VWF: variants seen among roughly 807,000 people sequenced by gnomAD.
VWF encodes the protein von Willebrand factor, also known as Factor VIII related antigen.
Under a neutral mutation model 308.6 loss-of-function variants are expected in VWF, and 176 were observed. The observed-to-expected ratio is 0.57, with a 90% confidence interval of 0.50 to 0.65. VWF has a LOEUF of 0.65. Among genes scored for constraint, VWF ranks in the 30% least tolerant of loss-of-function variants. VWF has a pLI of 0.00. For missense variants in VWF, 3,146 were observed against 3,648.2 expected (o/e 0.86, Z 3.55); for synonymous variants, 1,385 against 1,443.4 (o/e 0.96, Z 0.92).
Position 6,058,123 on chromosome 12 carries a change from AAT to A in VWF, c.1534-81_1534-80del. 6.6e-7 allele frequency: 1 copy of A among 1,509,388 alleles called. No homozygotes were observed. The allele number at this position is 1,509,388 out of a possible 1,614,324, so 93.5% of individuals were successfully genotyped here. On this transcript the variant is annotated intron_variant, in intron 13 of 51. Transcript: ENST00000261405. This position sits in a 1 kb window ranked among gnomAD's most constrained non-coding sequence, Gnocchi z 4.9. ...GTTGTTTAGCTAATGAGATGGTTTTAATAAAAAAAAAAAAGTTCCCCGGGTGA... is the reference window on the plus strand; with the variant it reads ...GTTGTTTAGCTAATGAGATGGTTTTAAAAAAAAAAAAAGTTCCCCGGGTGA...
At chr12:5,998,694 A>C (rs1266631118) in intron 34 of VWF, among the ~76,000 whole-genome samples, 3 of 151,702 alleles carry the variant, frequency 2.0e-5, no homozygotes, top group East Asian at 3.9e-4. Context: ...AGTAGAAAAC[A>C]AGAAAATACC....
At chr12:6,104,622 G>A (rs1459773906) in intron 5 of VWF, among the ~76,000 whole-genome samples, 5 of 151,848 alleles carry the variant, frequency 3.3e-5, no homozygotes, top group Non-Finnish European at 7.4e-5. Flanking sequence ...GCTTGAACCC[G>A]GGAACTGGAG....
At chr12:6,057,263 A>C (rs894909024) in intron 14 of VWF, among the ~76,000 whole-genome samples, 191 bp from the exon 15 acceptor site, 1 of 151,396 alleles carries the variant, frequency 6.6e-6, no homozygotes. Context: ...TGAGTTTGTA[A>C]GCTGCTGCTG....
At chr12:6,022,352 G>GTT (rs1200875579) in intron 26 of VWF, among the ~76,000 whole-genome samples, 1 of 152,094 alleles carries the variant, frequency 6.6e-6, no homozygotes, top group Admixed American at 6.5e-5. Flanking sequence ...GAGCTGTGCT[G>GTT]TACCATAGGA....
chr12:6,032,203 AG>A (rs1944271680), intron 20 of VWF, among the ~76,000 whole-genome samples: 1 of 152,206 alleles, frequency 6.6e-6, no homozygotes, highest in African/African-American at 2.4e-5. Flanking sequence ...GTGATGAAAA[AG>A]AAAGATAAAA....
chr12:5,987,356 A>G (rs1011107947), intron 38 of VWF, among the ~76,000 whole-genome samples: 23 of 152,236 alleles, frequency 1.5e-4, no homozygotes, highest in Non-Finnish European at 2.1e-4. Flanking sequence ...ACACTACCAG[A>G]TAAGTAGTAG....
rs183640579 is a variant in VWF at position 5,994,533 on chromosome 12, G to T, written c.6138C>A (p.Ile2046=). 1.9e-6 allele frequency: 3 copies of T among 1,614,028 alleles called. No homozygotes were observed. Among genetic ancestry groups the T allele is most frequent in the South Asian group, 1.1e-5 (1 of 91,068 alleles). The part of the protein sequence containing the change: ...GNMEVNVYGA[I]MHEVRFNHLG... The stretch of plus-strand genomic sequence containing the variant: ...GGTGATTGAATCTGACCTCATGCAT[G>T]ATGGCACCATAAACGTTGACTTCCA... Residue 2046 remains isoleucine, a synonymous_variant, in exon 36 of 52, where the codon ATC becomes ATA. Coordinates refer to ENST00000261405, the MANE Select transcript of VWF (RefSeq NM_000552.5).
intron 42 of VWF, among the ~76,000 whole-genome samples, chr12:5,978,575 G>A (rs1163917569): frequency 6.6e-6 from 1 of 152,100 alleles, no homozygotes; most frequent in African/African-American, 2.4e-5. Flanking sequence ...TATATTGCAA[G>A]ATAAAGCAAA....
Position 5,997,750 on chromosome 12 carries a change from G to T in VWF, c.5843-1528C>A, listed in dbSNP as rs554919892. Reference sequence around the variant, plus strand: ...TATTGTAGGTATAGTAAAACTTGAGGTCCTTCCATCTCCAGAATACCAAAT... The same window carrying T: ...TATTGTAGGTATAGTAAAACTTGAGTTCCTTCCATCTCCAGAATACCAAAT... On this transcript the variant is annotated intron_variant, in intron 34 of 51. Coordinates refer to ENST00000261405, the MANE Select transcript of VWF (RefSeq NM_000552.5). 9.5e-4 allele frequency among the ~76,000 whole-genome samples: 145 copies of T among 152,212 alleles called. 1 individual carries two copies. The highest frequency in any genetic ancestry group is 3.2e-3 in the African/African-American group (131 of 41,542).
intron 28 of VWF, 125 bp downstream of exon 28, chr12:6,018,240 C>G: frequency 8.2e-7 from 1 of 1,225,938 alleles, no homozygotes; most frequent in Non-Finnish European, 1.1e-6. Context: ...AAGTTTCAAC[C>G]AAGGCCACAC....
chr12:6,044,944 T>C (rs1010309338), intron 17 of VWF, among the ~76,000 whole-genome samples: 3 of 152,084 alleles, frequency 2.0e-5, no homozygotes, highest in African/African-American at 7.2e-5. Flanking sequence ...CCATGCGAAT[T>C]TGCAACACCC....
rs777628949 is a variant in VWF, at chr12:6,073,685, T to C, written c.931A>G (p.Thr311Ala). Residue 311 changes from threonine (T) to alanine (A), a missense_variant, in exon 8 of 52, where the codon ACC becomes GCC. By Grantham distance (58) the Thr-to-Ala change is moderately conservative. Coordinates refer to ENST00000261405, the MANE Select transcript of VWF (RefSeq NM_000552.5). ...TCATTGATGTGCAGGCTCTGGCAGGTCCTGGCGCAAGGGGACACACACTGC... is the reference window on the plus strand; with the variant it reads ...TCATTGATGTGCAGGCTCTGGCAGGCCCTGGCGCAAGGGGACACACACTGC... ...YRQCVSPCAR[T>A]CQSLHINEMC... is the part of the protein sequence containing the mutation. 91 of 1,613,924 alleles carry C rather than the reference T, an allele frequency of 5.6e-5. No individual in the cohort carries two copies. The highest frequency in any genetic ancestry group is 7.7e-5 in the Non-Finnish European group (91 of 1,180,014).
chr12:6,036,816 C>CA (rs757497340), intron 18 of VWF, among the ~76,000 whole-genome samples: 5 of 152,250 alleles, frequency 3.3e-5, no homozygotes, highest in African/African-American at 4.8e-5. Flanking sequence ...AAAGGTACTT[C>CA]AAAAAATCAT....
At position 5,951,950 on chromosome 12, in the gene VWF, C is replaced by T. The variant is rs148696309; in HGVS notation, c.8116-67G>A. On this transcript the variant is annotated intron_variant, in intron 49 of 51. Coordinates refer to ENST00000261405, the MANE Select transcript of VWF (RefSeq NM_000552.5). ...AGAGTAGACAGCTTTCAGGTCACTC[C>T]GGGCCAATTTTTAGCTCCGAACTCA... 983 of 1,545,972 alleles carry T rather than the reference C, an allele frequency of 6.4e-4. 6 individuals are homozygous for T. In the African/African-American group the frequency reaches 0.01, roughly 16 times the overall value.
chr12:6,043,434 C>T (rs1215128281), intron 18 of VWF, among the ~76,000 whole-genome samples: 1 of 152,212 alleles, frequency 6.6e-6, no homozygotes, highest in Non-Finnish European at 1.5e-5. Context: ...ATTCTGGCCT[C>T]CACAGCCTCT....
intron 10 of VWF, among the ~76,000 whole-genome samples, chr12:6,068,670 T>C (rs1944746333): frequency 1.3e-5 from 2 of 152,118 alleles, no homozygotes; most frequent in East Asian, 1.9e-4. Flanking sequence ...TTTTTGTTTT[T>C]AGTATAGACA....
intron 48 of VWF, 31 bp downstream of exon 48, chr12:5,953,465 T>C: frequency 1.3e-6 from 2 of 1,591,754 alleles, no homozygotes; most frequent in Non-Finnish European, 8.6e-7. Flanking sequence ...TGGTGATATG[T>C]GAGGGAGCCC....
intron 44 of VWF, among the ~76,000 whole-genome samples, chr12:5,970,696 T>C (rs982877044): frequency 4.6e-5 from 7 of 152,064 alleles, no homozygotes; most frequent in South Asian, 2.1e-4. Context: ...AGAAAGGCAA[T>C]GGGCCTGGGT....
In VWF at chr12:6,063,099, C is replaced by T; in HGVS notation, c.1433-45G>A. The T allele has an allele frequency of 6.5e-7, 1 of 1,533,108 alleles. No individual in the cohort carries two copies. 95.0% of individuals were successfully genotyped at this position (1,533,108 alleles called of 1,614,324 possible). On this transcript the variant is annotated intron_variant, in intron 12 of 51. Transcript: ENST00000261405. The surrounding 1 kb of genome is among the most constrained non-coding windows in gnomAD (Gnocchi z 4.9). ...GACTCAGGCAGAGGTGGGGAGAGGA[C>T]AGGGTGGTGGCAGGCAGATGTATTT...
Sources: allele counts gnomAD v4.1 joint callset (sites outside exome capture counted in the v4.1 genomes callset), GRCh38; gene constraint gnomAD v4.1.1; non-coding constraint Gnocchi (gnomAD v3.1); transcripts MANE v1.5; gene names NCBI Gene and HGNC (gene_info 2026-07-23, HGNC 2026-07-21).